C1orf141: variants seen among roughly 807,000 people sequenced by gnomAD.
C1orf141 encodes chromosome 1 open reading frame 141, also known as uncharacterized protein C1orf141.
In C1orf141, 19 loss-of-function variants were observed where a neutral mutation model predicts 23.2. The ratio of observed to expected loss-of-function variants is 0.82; its 90% CI spans 0.57 to 1.20. The LOEUF (loss-of-function observed/expected upper bound fraction) is 1.20. Among genes scored for constraint, C1orf141 ranks in the 50% most tolerant of loss-of-function variants. The pLI, the probability that C1orf141 is intolerant of heterozygous loss-of-function variation, is 0.00. For synonymous variants in C1orf141, 153 were observed against 154.6 expected, an observed-to-expected ratio of 0.99 and a Z score of 0.08; for missense variants, 469 against 455.1, an observed-to-expected ratio of 1.03 and a Z score of -0.28.
intron 1 of C1orf141, among the ~76,000 whole-genome samples, chr1:67,141,244 G>C (rs1646634902): frequency 6.6e-6 from 1 of 152,068 alleles, no homozygotes; most frequent in South Asian, 2.1e-4. Flanking sequence ...GGGTGGTAAA[G>C]TATATCTTGG....
chr1:67,114,076 C>T (rs1646136610), intron 5 of C1orf141, among the ~76,000 whole-genome samples: 1 of 152,048 alleles, frequency 6.6e-6, no homozygotes, highest in Admixed American at 6.6e-5. Flanking sequence ...ACCAAAGGTC[C>T]AAAGTTTTGA....
chr1:67,126,057 A>C, intron 3 of C1orf141, 148 bp from the exon 4 acceptor site: 1 of 898,674 alleles, frequency 1.1e-6, no homozygotes, highest in Non-Finnish European at 1.6e-6. Flanking sequence ...AATAGTACAG[A>C]CTGAAAATTG....
At chr1:67,094,587 C>G (rs1645630599) in intron 7 of C1orf141, 1 of 152,220 alleles carries the variant, frequency 6.6e-6, no homozygotes, top group Non-Finnish European at 1.5e-5. Context: ...TTAGAGTATT[C>G]CCTGCTCAGC....
Position 67,125,836 on chromosome 1 carries a change from A to G in C1orf141, c.149T>C (p.Phe50Ser). Residue 50 changes from phenylalanine to serine, a missense_variant, in exon 4 of 8, where the codon TTT becomes TCT. By Grantham distance (155) the Phe-to-Ser change is radical. Around this residue, in one of 3 missense-constraint regions of C1orf141, gnomAD observed 95 missense variants for 90.3 expected, o/e 1.05. Transcript: ENST00000684719. ...IPLTFDFQLE[F>S]EEALATSASK... Reference sequence around the variant, plus strand: ...CGCGGATGTAGCAAGAGCTTCTTCAAATTCCAACTGAAAATCAAATGTCAG... The same window carrying G: ...CGCGGATGTAGCAAGAGCTTCTTCAGATTCCAACTGAAAATCAAATGTCAG... 2 of 1,613,954 alleles carry G rather than the reference A, an allele frequency of 1.2e-6. No individual in the cohort carries two copies. Among genetic ancestry groups the G allele is most frequent in the African/African-American group, 1.3e-5 (1 of 74,996 alleles).
At chr1:67,137,912 A>T (rs1363652286), upstream of C1orf141, among the ~76,000 whole-genome samples, 44 of 152,224 alleles carry the variant, frequency 2.9e-4, no homozygotes, top group Non-Finnish European at 4.4e-5. Context: ...CTCTTGAGAA[A>T]AGAGCATTTT....
chr1:67,111,621 A>G, intron 5 of C1orf141: 1 of 1,392,796 alleles, frequency 7.2e-7, no homozygotes, highest in Non-Finnish European at 9.6e-7. Context: ...ATAGATCTTG[A>G]TTTTAGATGT....
chr1:67,105,461 A>G (rs948114301), intron 5 of C1orf141, among the ~76,000 whole-genome samples: 1 of 152,142 alleles, frequency 6.6e-6, no homozygotes, highest in Non-Finnish European at 1.5e-5. Context: ...TATCACCACA[A>G]TTATTTATAA....
At chr1:67,128,706 A>C (rs553173973) in intron 2 of C1orf141, among the ~76,000 whole-genome samples, 6 of 152,250 alleles carry the variant, frequency 3.9e-5, no homozygotes, top group African/African-American at 1.4e-4. Flanking sequence ...CTGTCTCAAA[A>C]AGAAAAAAAA....
intron 5 of C1orf141, among the ~76,000 whole-genome samples, chr1:67,097,217 CA>C (rs906016565): frequency 1.9e-4 from 29 of 151,614 alleles, no homozygotes; most frequent in Non-Finnish European, 3.4e-4. Flanking sequence ...CAAAAACAAA[CA>C]AAAAAAACCC....
intron 5 of C1orf141, among the ~76,000 whole-genome samples, chr1:67,112,529 C>T (rs1646095537): frequency 1.3e-5 from 2 of 151,948 alleles, no homozygotes; most frequent in South Asian, 4.2e-4. Flanking sequence ...TGGTGAAACC[C>T]TGTCTCTAAA....
intron 5 of C1orf141, among the ~76,000 whole-genome samples, chr1:67,114,532 A>G (rs1646149371): frequency 6.6e-6 from 1 of 152,236 alleles, no homozygotes; most frequent in Non-Finnish European, 1.5e-5. Context: ...TGTGGAGTCA[A>G]GAAACCTCAG....
In C1orf141 at chr1:67,095,338, A is replaced by C; in HGVS notation, c.500T>G (p.Val167Gly). Residue 167 changes from valine (V) to glycine (G), a missense_variant, in exon 7 of 8, where the codon GTA (valine) becomes GGA (glycine). By Grantham distance (109) the Val-to-Gly change is moderately radical (BLOSUM62 -3). Around this residue, in one of 3 missense-constraint regions of C1orf141, gnomAD observed 370 missense variants for 348.1 expected, o/e 1.06. Transcript: ENST00000684719. ...RNYQLSKYRS[V>G]RKKSLLPLCF... Reference sequence around the variant, plus strand: ...CAACGGGAGCAAGCTTTTCTTTCTTACTGACCTATACTTACTTAATTGATA... The same window carrying C: ...CAACGGGAGCAAGCTTTTCTTTCTTCCTGACCTATACTTACTTAATTGATA... 1 of 1,584,868 alleles carries C rather than the reference A, an allele frequency of 6.3e-7. No individual in the cohort carries two copies. The highest frequency in any genetic ancestry group is 8.6e-7 in the Non-Finnish European group (1 of 1,157,164).
At chr1:67,140,553 G>GA (rs1646627280) in intron 1 of C1orf141, among the ~76,000 whole-genome samples, 2 of 152,224 alleles carry the variant, frequency 1.3e-5, no homozygotes, top group African/African-American at 4.8e-5. Flanking sequence ...AAGGAACAGA[G>GA]AAAGATGCAC....
In C1orf141 at chr1:67,092,952, G is replaced by C; in HGVS notation, c.*53C>G. The stretch of plus-strand genomic sequence containing the variant: ...GGATAAGAATTTCTTTTATAATTTT[G>C]GAACTTGGATATTTGCTTCTTGTTA... On this transcript the variant is annotated 3_prime_UTR_variant, in exon 8 of 8. Coordinates refer to ENST00000684719, the MANE Select transcript of C1orf141 (RefSeq NM_001276351.2). The C allele has an allele frequency of 7.2e-7, 1 of 1,395,282 alleles. No individual in the cohort carries two copies. The highest frequency in any genetic ancestry group is 1.5e-5 in the African/African-American group (1 of 68,956). The allele number at this position is 1,395,282 out of a possible 1,614,324, so 86.4% of individuals were successfully genotyped here.
chr1:67,136,714 G>A (rs1412034792), upstream of C1orf141, among the ~76,000 whole-genome samples: 2 of 152,054 alleles, frequency 1.3e-5, no homozygotes, highest in Non-Finnish European at 2.9e-5. Context: ...TCGTATCTAT[G>A]GAAAGGGTAT....
At position 67,130,536 on chromosome 1, in the gene C1orf141, TACGCACATGC is replaced by T. The variant is rs1215091753; in HGVS notation, c.-18+596_-18+605del. ...TGTCATCCCATTATACACACACACA[TACGCACATGC>T]ACGCACATGCACACACAGCTGTATT... is the stretch of plus-strand genomic sequence containing the variant. On this transcript the variant is annotated intron_variant, in intron 2 of 7. Transcript: ENST00000684719. Among the ~76,000 whole-genome samples, 14 of 152,142 alleles carry T rather than the reference TACGCACATGC, an allele frequency of 9.2e-5. No homozygotes were observed. The South Asian group carries it at 1.0e-3, about 11-fold the overall frequency.
intron 4 of C1orf141, among the ~76,000 whole-genome samples, chr1:67,124,830 G>A (rs938921570): frequency 1.3e-5 from 2 of 152,138 alleles, no homozygotes; most frequent in African/African-American, 4.8e-5. Flanking sequence ...TTGGCAACTG[G>A]GTGCACAGTA....
intron 6 of C1orf141, chr1:67,096,036 C>A (rs1259601442): frequency 3.0e-6 from 1 of 337,004 alleles, no homozygotes; most frequent in Non-Finnish European, 5.5e-6. Context: ...AAATTGTATT[C>A]CCTCTATTCA....
chr1:67,095,186 G>A (rs1439893380), intron 7 of C1orf141, 49 bp downstream of exon 7: 3 of 1,086,738 alleles, frequency 2.8e-6, no homozygotes, highest in Admixed American at 4.9e-5. Flanking sequence ...ATTCCCATAA[G>A]TCTTATGACT....
Sources: allele counts gnomAD v4.1 joint callset (sites outside exome capture counted in the v4.1 genomes callset), GRCh38; gene constraint gnomAD v4.1.1; regional missense constraint gnomAD v4.1.1; transcripts MANE v1.5; gene names NCBI Gene and HGNC (gene_info 2026-07-23, HGNC 2026-07-21).